The following UPB1 variants were observed in gnomAD, a reference collection of about 807,000 sequenced individuals.
UPB1 encodes beta-ureidopropionase 1.
Under a neutral mutation model 49.1 loss-of-function variants are expected in UPB1, and 40 were observed. The observed-to-expected ratio is 0.81, with a 90% CI of 0.63 to 1.06. UPB1 has a LOEUF of 1.06. Ranked by LOEUF, UPB1 falls within the 50% of genes least tolerant of loss-of-function variation. UPB1 has a pLI of 0.00. For missense variants in UPB1, 499 were observed against 505.9 expected (o/e 0.99, Z 0.13); for synonymous variants, 207 against 198.2 (o/e 1.04, Z -0.38).
chr22:24,502,226 T>TA lies in UPB1; in HGVS notation c.364+14dup. The TA allele has an allele frequency of 6.2e-7, 1 of 1,612,988 alleles. No individual in the cohort carries two copies. Among genetic ancestry groups the TA allele is most frequent in the Non-Finnish European group, 8.5e-7 (1 of 1,178,934 alleles). On this transcript the variant is annotated intron_variant, in intron 3 of 9. Transcript: ENST00000326010. Reference sequence around the variant, plus strand: ...CAGGAAGCATGGAGTGAGTCTTTTTTATGGTGCTTTCTCTGCTGCCTTCAA... The same window carrying TA: ...CAGGAAGCATGGAGTGAGTCTTTTTTAATGGTGCTTTCTCTGCTGCCTTCAA...
At chr22:24,506,663 ACT>A (rs1047475599) in intron 3 of UPB1, among the ~76,000 whole-genome samples, 14 of 151,816 alleles carry the variant, frequency 9.2e-5, no homozygotes, top group African/African-American at 3.4e-4. Context: ...TTACCTTTGT[ACT>A]CTCACTCTTC....
At chr22:24,501,899 G>A (rs2043999741) in intron 2 of UPB1, among the ~76,000 whole-genome samples, 1 of 152,138 alleles carries the variant, frequency 6.6e-6, no homozygotes, top group Non-Finnish European at 1.5e-5. Flanking sequence ...CCATTACCAG[G>A]TGAGGAAACT....
chr22:24,513,569 AAGTTCTGTGCAGGAT>A, intron 5 of UPB1, 84 bp downstream of exon 5: 1 of 1,541,626 alleles, frequency 6.5e-7, no homozygotes, highest in Non-Finnish European at 8.8e-7. Context: ...TTCTGTGGGG[AAGTTCTGTGCAGGAT>A]CATACTCCAT....
intron 3 of UPB1, among the ~76,000 whole-genome samples, chr22:24,509,377 AAAAAAAAAAAAAAAAAAAAG>A (rs2044152746): frequency 2.0e-5 from 1 of 49,670 alleles, no homozygotes; most frequent in Non-Finnish European, 5.5e-5. Flanking sequence ...AAAAAAAAAA[AAAAAAAAAAAAAAAAAAAAG>A]CAAAAACCAA....
In UPB1 at chr22:24,528,159, C is replaced by T. The variant is rs967458864; in HGVS notation, c.*2365C>T. 6.6e-6 allele frequency: 1 copy of T among 152,186 alleles called. No homozygotes were observed. 9.4% of individuals were successfully genotyped at this position (152,186 alleles called of 1,614,324 possible). On this transcript the variant is annotated 3_prime_UTR_variant, in exon 10 of 10. Coordinates refer to ENST00000326010, the MANE Select transcript of UPB1 (RefSeq NM_016327.3). Reference sequence around the variant, plus strand: ...CAAAACACCTTAGTGTTTTTGGTTTCTAGAGGGTGTAATCAACCTAATACA... The same window carrying T: ...CAAAACACCTTAGTGTTTTTGGTTTTTAGAGGGTGTAATCAACCTAATACA...
chr22:24,510,233 CA>C (rs202134271), intron 3 of UPB1, among the ~76,000 whole-genome samples: 3,574 of 104,620 alleles, frequency 0.034, 115 homozygotes, highest in South Asian at 0.14. Flanking sequence ...AACTCCATCT[CA>C]AAAAAAAAAA....
chr22:24,513,722 C>T (rs2044246591), intron 5 of UPB1, among the ~76,000 whole-genome samples: 1 of 152,208 alleles, frequency 6.6e-6, no homozygotes, highest in Admixed American at 6.5e-5. Context: ...ACCTTTAGCA[C>T]AATGGGGCAT....
chr22:24,515,452 G>A (rs2044279308), intron 6 of UPB1, 82 bp downstream of exon 6: 1 of 1,592,170 alleles, frequency 6.3e-7, no homozygotes, highest in African/African-American at 1.3e-5. Context: ...GCTCCAAGGT[G>A]GCAGCAGGCA....
intron 1 of UPB1, among the ~76,000 whole-genome samples, chr22:24,497,118 C>CT (rs1431526249): frequency 6.6e-6 from 1 of 152,094 alleles, no homozygotes; most frequent in African/African-American, 2.4e-5. Context: ...ATGTGGAGGT[C>CT]TGTAGGTACT....
chr22:24,498,099 G>A (rs1340049700), intron 1 of UPB1, among the ~76,000 whole-genome samples: 1 of 152,180 alleles, frequency 6.6e-6, no homozygotes, highest in Non-Finnish European at 1.5e-5. Context: ...GGTGTCTGTT[G>A]AGGGCCCACT....
At chr22:24,497,616 C>T (rs1422414120) in intron 1 of UPB1, among the ~76,000 whole-genome samples, 1 of 152,070 alleles carries the variant, frequency 6.6e-6, no homozygotes, top group South Asian at 2.1e-4. Context: ...GTGGGGAGGC[C>T]TCAGTAGCAG....
intron 4 of UPB1, among the ~76,000 whole-genome samples, chr22:24,511,393 G>A (rs749560330): frequency 2.1e-4 from 32 of 152,034 alleles, no homozygotes; most frequent in Non-Finnish European, 3.4e-4. Context: ...AGGGAGGAAG[G>A]GAGTGACTGC....
chr22:24,496,244 A>G (rs764345190), intron 1 of UPB1, among the ~76,000 whole-genome samples: 3 of 152,112 alleles, frequency 2.0e-5, no homozygotes, highest in Non-Finnish European at 4.4e-5. Flanking sequence ...GGTAGCATGC[A>G]TCTGTAGTCC....
intron 2 of UPB1, among the ~76,000 whole-genome samples, chr22:24,501,520 G>C (rs1410954110): frequency 6.6e-6 from 1 of 152,180 alleles, no homozygotes; most frequent in African/African-American, 2.4e-5. Flanking sequence ...GAGTTACCTT[G>C]ACACTTGGCC....
At chr22:24,510,088 C>T (rs369447480) in intron 3 of UPB1, among the ~76,000 whole-genome samples, 1 of 152,012 alleles carries the variant, frequency 6.6e-6, no homozygotes, top group Non-Finnish European at 1.5e-5. Context: ...CAAAATTAGC[C>T]AGGCATGGTG....
At chr22:24,511,106 T>C (rs1000160030) in intron 4 of UPB1, among the ~76,000 whole-genome samples, 1 of 152,088 alleles carries the variant, frequency 6.6e-6, no homozygotes, top group Non-Finnish European at 1.5e-5. Flanking sequence ...AGGTGACTTT[T>C]GTAGCAAGTC....
chr22:24,521,075 C>T (rs2044381501), intron 7 of UPB1, among the ~76,000 whole-genome samples: 1 of 149,294 alleles, frequency 6.7e-6, no homozygotes, highest in Admixed American at 6.8e-5. Flanking sequence ...TCCAGCTACT[C>T]AGGAGGCTGG....
intron 9 of UPB1, 120 bp from the exon 10 acceptor site, chr22:24,525,591 G>A (rs1374672708): frequency 1.5e-5 from 18 of 1,167,608 alleles, no homozygotes; most frequent in East Asian, 4.7e-5. Flanking sequence ...CACTGTCAAC[G>A]AGCCTTCCTG....
chr22:24,499,027 A>G (rs2043940685), intron 1 of UPB1, among the ~76,000 whole-genome samples: 1 of 152,200 alleles, frequency 6.6e-6, no homozygotes, highest in African/African-American at 2.4e-5. Context: ...AAGGAGAGGC[A>G]CGGTGTGGGC....
Sources: gnomAD v4.1 joint callset for allele counts (sites outside exome capture counted in the v4.1 genomes callset) on GRCh38, gnomAD v4.1.1 for gene constraint, MANE v1.5 for transcripts, NCBI Gene and HGNC (gene_info 2026-07-23, HGNC 2026-07-21) for gene names.